Variants in KCNIP4 observed in about 807,000 individuals in gnomAD.
KCNIP4 encodes Kv channel-interacting protein 4.
A neutral mutation model predicts 34.0 loss-of-function variants in KCNIP4; 12 were observed. The observed-to-expected ratio is 0.35, with a 90% CI of 0.23 to 0.57. The LOEUF is 0.57. Ranked by LOEUF, KCNIP4 falls within the 20% of genes least tolerant of loss-of-function variation. The pLI is 0.83. For synonymous variants in KCNIP4, 124 were observed against 102.2 expected, an observed-to-expected ratio of 1.21 and a Z score of -1.29; for missense variants, 238 against 311.7, an observed-to-expected ratio of 0.76 and a Z score of 1.78.
At chr4:21,547,867 G>A (rs1738265147) in intron 1 of KCNIP4, among the ~76,000 whole-genome samples, 1 of 135,794 alleles carries the variant, frequency 7.4e-6, no homozygotes, top group South Asian at 2.8e-4. Flanking sequence ...ATAGCCTGAA[G>A]GTGACTTTAT....
At chr4:21,933,090 T>C (rs538831377) in intron 1 of KCNIP4, among the ~76,000 whole-genome samples, 1 of 117,070 alleles carries the variant, frequency 8.5e-6, no homozygotes, top group East Asian at 2.7e-4. Flanking sequence ...ATAGAGAAAA[T>C]GAAAAAATTA....
At chr4:21,578,267 A>T (rs1442803148) in intron 1 of KCNIP4, among the ~76,000 whole-genome samples, 1 of 142,096 alleles carries the variant, frequency 7.0e-6, no homozygotes, top group Non-Finnish European at 1.5e-5. Context: ...CGGGAGGCGG[A>T]CGTTGCAGTG....
At chr4:20,841,996 A>G (rs1719782144) in intron 3 of KCNIP4, among the ~76,000 whole-genome samples, 1 of 152,140 alleles carries the variant, frequency 6.6e-6, no homozygotes, top group African/African-American at 2.4e-5. Context: ...CCATCGAAAG[A>G]AGCTCCCTGC....
chr4:20,838,012 C>T (rs890192077), intron 3 of KCNIP4, among the ~76,000 whole-genome samples: 1 of 151,728 alleles, frequency 6.6e-6, no homozygotes, highest in Non-Finnish European at 1.5e-5. Flanking sequence ...TTTTGTGAAC[C>T]AATTAGTTAC....
At chr4:21,920,728 T>C (rs1307373752) in intron 1 of KCNIP4, among the ~76,000 whole-genome samples, 1 of 152,192 alleles carries the variant, frequency 6.6e-6, no homozygotes. Flanking sequence ...GATTTTGGTA[T>C]CCAATGGAGA....
chr4:20,783,904 T>G (rs1009573510), intron 3 of KCNIP4, among the ~76,000 whole-genome samples: 2 of 152,142 alleles, frequency 1.3e-5, no homozygotes, highest in African/African-American at 4.8e-5. Context: ...TTTGTTTGGT[T>G]GGTTGGTTGT....
intron 1 of KCNIP4, among the ~76,000 whole-genome samples, chr4:21,536,204 C>T (rs781100337): frequency 7.9e-5 from 12 of 152,246 alleles, no homozygotes; most frequent in Non-Finnish European, 1.6e-4. Flanking sequence ...TAAATGTCAA[C>T]ATTTATGGGC....
intron 1 of KCNIP4, among the ~76,000 whole-genome samples, chr4:21,330,297 A>T (rs1715502373): frequency 6.6e-6 from 1 of 152,336 alleles, no homozygotes; most frequent in East Asian, 1.9e-4. Context: ...ATTGATCAGC[A>T]TGTATATGAT....
At chr4:21,528,931 C>T (rs1736416631) in intron 1 of KCNIP4, among the ~76,000 whole-genome samples, 1 of 151,996 alleles carries the variant, frequency 6.6e-6, no homozygotes, top group African/African-American at 2.4e-5. Context: ...TTCTTGCACC[C>T]TTACAAGTGG....
At chr4:20,837,302 C>G (rs79470352) in intron 3 of KCNIP4, among the ~76,000 whole-genome samples, 2,656 of 152,230 alleles carry the variant, frequency 0.017, 73 homozygotes, top group African/African-American at 0.057. Context: ...CTTAGAGTCT[C>G]ACACACTCAG....
chr4:21,540,105 T>TTAA (rs1229553858), intron 1 of KCNIP4, among the ~76,000 whole-genome samples: 2 of 152,178 alleles, frequency 1.3e-5, no homozygotes, highest in African/African-American at 4.8e-5. Context: ...ATAACCAATA[T>TTAA]TAATACTGGG....
At chr4:21,202,782 T>A (rs1428458990) in intron 1 of KCNIP4, among the ~76,000 whole-genome samples, 4 of 152,110 alleles carry the variant, frequency 2.6e-5, no homozygotes, top group Non-Finnish European at 4.4e-5. Flanking sequence ...ATAAATCCCA[T>A]AATGGGCAGG....
At chr4:21,344,951 G>A (rs1024811608) in intron 1 of KCNIP4, among the ~76,000 whole-genome samples, 3 of 152,140 alleles carry the variant, frequency 2.0e-5, no homozygotes, top group Admixed American at 6.6e-5. Flanking sequence ...CCTATGTATT[G>A]TGTAGGTGTG....
At chr4:20,843,422 T>C (rs143770415) in intron 3 of KCNIP4, among the ~76,000 whole-genome samples, 2,775 of 152,282 alleles carry the variant, frequency 0.018, 64 homozygotes, top group Admixed American at 0.062. Context: ...TAGCATGACA[T>C]TTTATGAGTT....
intron 1 of KCNIP4, among the ~76,000 whole-genome samples, chr4:21,726,747 C>T (rs1715223111): frequency 6.6e-6 from 1 of 152,128 alleles, no homozygotes; most frequent in Admixed American, 6.6e-5. Flanking sequence ...AGAAAATATC[C>T]TGTTCACCAC....
chr4:21,699,298 T>G (rs1366545593), intron 1 of KCNIP4, among the ~76,000 whole-genome samples: 1 of 152,236 alleles, frequency 6.6e-6, no homozygotes, highest in Non-Finnish European at 1.5e-5. Flanking sequence ...GAACACCTAT[T>G]ATGTTCCAGA....
intron 1 of KCNIP4, among the ~76,000 whole-genome samples, chr4:21,571,246 T>C (rs1456300294): frequency 6.6e-6 from 1 of 152,152 alleles, no homozygotes; most frequent in African/African-American, 2.4e-5. Context: ...TATGGTAATA[T>C]AAATTCCATA....
chr4:21,593,171 G>C (rs1261542985), intron 1 of KCNIP4, among the ~76,000 whole-genome samples: 1 of 150,254 alleles, frequency 6.7e-6, no homozygotes, highest in Non-Finnish European at 1.5e-5. Context: ...AAAAAAAAAA[G>C]TCCTGCTACT....
At chr4:20,960,498 C>T (rs1027264158) in intron 1 of KCNIP4, among the ~76,000 whole-genome samples, 1 of 152,204 alleles carries the variant, frequency 6.6e-6, no homozygotes, top group African/African-American at 2.4e-5. Flanking sequence ...CTGCTCTGCC[C>T]CCTGTGCCCA....
Sources: gnomAD v4.1 joint callset for allele counts (sites outside exome capture counted in the v4.1 genomes callset) on GRCh38, gnomAD v4.1.1 for gene constraint, MANE v1.5 for transcripts, NCBI Gene and HGNC (gene_info 2026-07-23, HGNC 2026-07-21) for gene names.